CENPC: variants seen among roughly 807,000 people sequenced by gnomAD.
The protein encoded by CENPC is CENP-C 1.
A neutral mutation model predicts 112.1 loss-of-function variants in CENPC; 63 were observed. That is an observed-to-expected ratio of 0.56 (90% CI 0.46 to 0.69). The LOEUF is 0.69. CENPC is among the 30% of genes least tolerant of loss of function. The pLI is 0.00. For synonymous variants in CENPC, 333 were observed against 367.6 expected, an observed-to-expected ratio of 0.91 and a Z score of 1.08; for missense variants, 1,000 against 1,103.8, an observed-to-expected ratio of 0.91 and a Z score of 1.33.
At chr4:67,531,061 T>G (rs968684623) in intron 4 of CENPC, 147 bp from the exon 5 acceptor site, 4 of 455,216 alleles carry the variant, frequency 8.8e-6, no homozygotes, top group African/African-American at 8.2e-5. Context: ...TTTATTTTAT[T>G]TCTAAAGTAA....
At chr4:67,537,337 ATTT>A (rs1560444732) in intron 4 of CENPC, among the ~76,000 whole-genome samples, 1 of 152,208 alleles carries the variant, frequency 6.6e-6, no homozygotes, top group African/African-American at 2.4e-5. Flanking sequence ...CAATTTGTGT[ATTT>A]TAATGTATTA....
chr4:67,482,913 CCATAATCCCCA>C (rs1724992374), intron 17 of CENPC, among the ~76,000 whole-genome samples: 1 of 150,948 alleles, frequency 6.6e-6, no homozygotes, highest in Non-Finnish European at 1.5e-5. Flanking sequence ...ATTGTAGCTG[CCATAATCCCCA>C]CATGTCATGG....
Position 67,519,210 on chromosome 4 carries a change from A to G in CENPC, c.617+7T>C. 6.5e-7 allele frequency: 1 copy of G among 1,526,830 alleles called. No homozygotes were observed. Among genetic ancestry groups the G allele is most frequent in the Non-Finnish European group, 8.8e-7 (1 of 1,135,390 alleles). The allele number at this position is 1,526,830 out of a possible 1,614,324, so 94.6% of individuals were successfully genotyped here. On this transcript the variant is annotated splice_region_variant and intron_variant, in intron 6 of 18. Transcript: ENST00000273853. The stretch of plus-strand genomic sequence containing the variant: ...AGTGCGTTAACATTATTTAAATAAA[A>G]TGTTACCTTTTTTTGGTTTTAACTG...
chr4:67,493,719 T>C (rs972344389), intron 14 of CENPC, 165 bp downstream of exon 14: 8 of 522,436 alleles, frequency 1.5e-5, no homozygotes, highest in Admixed American at 3.5e-5. Flanking sequence ...AGAGAAAATA[T>C]CAGCATCTCT....
chr4:67,508,756 C>G, intron 10 of CENPC, 58 bp downstream of exon 10: 1 of 1,515,136 alleles, frequency 6.6e-7, no homozygotes, highest in Non-Finnish European at 9.0e-7. Flanking sequence ...CTAAATAGCA[C>G]AAATTATTAA....
chr4:67,534,398 C>T (rs1227785517), intron 4 of CENPC, among the ~76,000 whole-genome samples: 2 of 151,988 alleles, frequency 1.3e-5, no homozygotes, highest in African/African-American at 2.4e-5. Flanking sequence ...CCCAGGAGTG[C>T]TTTTTCTCAA....
In CENPC at chr4:67,505,231, T is replaced by C; in HGVS notation, c.2105A>G (p.Asp702Gly). The C allele has an allele frequency of 6.3e-7, 1 of 1,583,246 alleles. No individual in the cohort carries two copies. Among genetic ancestry groups the C allele is most frequent in the South Asian group, 1.2e-5 (1 of 84,730 alleles). The change falls in exon 12 of 19, where the codon GAT (aspartate) becomes GGT (glycine). Residue 702 changes from aspartate to glycine, a missense_variant. Transcript: ENST00000273853. ...NYLMSGKNDV[D>G]DEEVHGSSDD... ...TGAACTTCCATGAACTTCCTCATCATCCACATCATTCTTTCCAGACATTAA... is the reference window on the plus strand; with the variant it reads ...TGAACTTCCATGAACTTCCTCATCACCCACATCATTCTTTCCAGACATTAA...
At chr4:67,537,027 T>TAAAAAA (rs74550952) in intron 4 of CENPC, among the ~76,000 whole-genome samples, 5 of 97,174 alleles carry the variant, frequency 5.1e-5, no homozygotes, top group African/African-American at 1.2e-4. Context: ...TACCTCTAAT[T>TAAAAAA]AAAAAAAAAA....
intron 17 of CENPC, among the ~76,000 whole-genome samples, chr4:67,476,224 T>C (rs1396651105): frequency 2.6e-5 from 4 of 152,210 alleles, no homozygotes; most frequent in Non-Finnish European, 2.9e-5. Flanking sequence ...ATGAACTTTT[T>C]TGCCAGAAGA....
intron 18 of CENPC, among the ~76,000 whole-genome samples, chr4:67,473,201 G>A (rs939614737): frequency 2.0e-5 from 3 of 152,020 alleles, no homozygotes; most frequent in African/African-American, 7.3e-5. Context: ...TGAGAGCTGG[G>A]ATTACAGGCA....
intron 4 of CENPC, among the ~76,000 whole-genome samples, chr4:67,534,841 C>T (rs1313407721): frequency 6.6e-6 from 1 of 152,060 alleles, no homozygotes; most frequent in Non-Finnish European, 1.5e-5. Context: ...AGCTAAGGAT[C>T]ACTGGACATA....
chr4:67,494,716 A>G (rs1041954071), intron 13 of CENPC, among the ~76,000 whole-genome samples: 2 of 152,198 alleles, frequency 1.3e-5, no homozygotes, highest in African/African-American at 4.8e-5. Context: ...GGAACCATGG[A>G]TTGTTAATCT....
At chr4:67,478,629 A>AACAC (rs200741539) in intron 17 of CENPC, among the ~76,000 whole-genome samples, 4,584 of 81,842 alleles carry the variant, frequency 0.056, 90 homozygotes, top group Admixed American at 0.074. Flanking sequence ...GGGTCTATAA[A>AACAC]ACACACACAC....
intron 18 of CENPC, chr4:67,474,660 T>G: frequency 2.4e-6 from 1 of 422,610 alleles, no homozygotes; most frequent in South Asian, 2.4e-5. Context: ...ATCGTGCCAC[T>G]GCACTCCAGC....
At chr4:67,544,237 G>A in intron 1 of CENPC, 42 bp from the exon 2 acceptor site, 1 of 1,107,762 alleles carries the variant, frequency 9.0e-7, no homozygotes, top group East Asian at 2.4e-5. Context: ...CTTTAAGATA[G>A]AGTCGAGTAA....
chr4:67,523,430 C>A (rs1185387917), intron 5 of CENPC, among the ~76,000 whole-genome samples: 1 of 152,174 alleles, frequency 6.6e-6, no homozygotes, highest in Non-Finnish European at 1.5e-5. Flanking sequence ...TTCTGACACT[C>A]TTTTACATGT....
chr4:67,540,842 A>T, intron 3 of CENPC, 138 bp downstream of exon 3: 1 of 666,394 alleles, frequency 1.5e-6, no homozygotes, highest in Non-Finnish European at 2.6e-6. Context: ...ATTGCATATG[A>T]ACTCAAAATA....
chr4:67,482,371 C>A (rs998302744), intron 17 of CENPC, among the ~76,000 whole-genome samples: 2 of 152,126 alleles, frequency 1.3e-5, no homozygotes, highest in Non-Finnish European at 2.9e-5. Context: ...GTAGATCTAC[C>A]ATTTGATCCA....
At chr4:67,509,652 G>A (rs899800137) in intron 9 of CENPC, among the ~76,000 whole-genome samples, 1 of 151,910 alleles carries the variant, frequency 6.6e-6, no homozygotes, top group Admixed American at 6.6e-5. Context: ...CCACAATCAC[G>A]CCCTAAATCC....
Sources: gnomAD v4.1 joint callset for allele counts (sites outside exome capture counted in the v4.1 genomes callset) on GRCh38, gnomAD v4.1.1 for gene constraint, MANE v1.5 for transcripts, NCBI Gene and HGNC (gene_info 2026-07-23, HGNC 2026-07-21) for gene names.